Variants in XPNPEP2 observed in about 807,000 individuals in gnomAD.
XPNPEP2 encodes X-prolyl aminopeptidase 2.
XPNPEP2 carries 64 observed loss-of-function variants against 59.8 expected under a neutral mutation model. The ratio of observed to expected loss-of-function variants is 1.07; its 90% CI spans 0.87 to 1.32. The LOEUF is 1.32. Ranked by LOEUF, XPNPEP2 falls within the 40% of genes most tolerant of loss-of-function variation. The probability of loss-of-function intolerance (pLI) is 0.00; values close to 1 mark genes in which losing one functional copy is unlikely to be tolerated. For missense variants in XPNPEP2, 575 were observed against 546.8 expected (o/e 1.05, Z -0.51); for synonymous variants, 235 against 210.0 (o/e 1.12, Z -1.03).
intron 1 of XPNPEP2, among the ~76,000 whole-genome samples, chrX:129,739,569 C>T (rs1412912097): frequency 8.9e-6 from 1 of 112,300 alleles, no homozygotes; most frequent in Non-Finnish European, 1.9e-5. Context: ...ACTCTGATTA[C>T]AGAAAAGACT....
chrX:129,766,545 G>C (rs1381250965), intron 19 of XPNPEP2, among the ~76,000 whole-genome samples: 1 of 109,156 alleles, frequency 9.2e-6, no homozygotes, highest in East Asian at 2.9e-4. Flanking sequence ...GTCTCACTCT[G>C]TTGCTGAGGC....
Position 129,768,795 on chromosome X carries a change from T to G in XPNPEP2, c.*310T>G. On this transcript the variant is annotated 3_prime_UTR_variant, in exon 21 of 21. Transcript: ENST00000371106. ...CTGTGATCTCAGTAGGCCTAACCTA[T>G]AACCTAGCACAGACTGCTACAGCTG... 5.2e-6 allele frequency: 1 copy of G among 192,768 alleles called. No homozygotes were observed. The highest frequency in any genetic ancestry group is 9.5e-6 in the Non-Finnish European group (1 of 104,931). The allele number at this position is 192,768 out of a possible 1,213,427, so 15.9% of individuals were successfully genotyped here.
chrX:129,742,067 C>T (rs1443465511), intron 1 of XPNPEP2, 41 bp from the exon 2 acceptor site: 1 of 1,172,213 alleles, frequency 8.5e-7, no homozygotes, highest in Non-Finnish European at 1.2e-6. Context: ...TAGGAACTAG[C>T]TGGTCCCCAA....
Position 129,739,275 on chromosome X carries a change from T to C in XPNPEP2, c.49+13T>C. On this transcript the variant is annotated intron_variant, in intron 1 of 20. Transcript: ENST00000371106. ...GTCCTCCTCTGTGGTATGTGCATCCTAGCTTCCACTGGAAGGCAGCTCTGA... is the reference window on the plus strand; with the variant it reads ...GTCCTCCTCTGTGGTATGTGCATCCCAGCTTCCACTGGAAGGCAGCTCTGA... The C allele has an allele frequency of 8.3e-7, 1 of 1,207,109 alleles. No homozygotes were observed. Among genetic ancestry groups the C allele is most frequent in the Non-Finnish European group, 1.1e-6 (1 of 894,137 alleles).
intron 9 of XPNPEP2, 110 bp downstream of exon 9, chrX:129,751,936 C>T: frequency 2.3e-6 from 2 of 873,642 alleles, no homozygotes; most frequent in Non-Finnish European, 1.7e-6. Context: ...CCCATCAGCT[C>T]GGCGCCTGCT....
chrX:129,738,986 G>A lies in XPNPEP2; in HGVS notation c.-228G>A, dbSNP rs890102586. 24 of 419,805 alleles carry A rather than the reference G, an allele frequency of 5.7e-5. No homozygotes were observed. Among genetic ancestry groups the A allele is most frequent in the South Asian group, 4.4e-4 (12 of 27,109 alleles). 34.6% of individuals were successfully genotyped at this position (419,805 alleles called of 1,213,427 possible). On this transcript the variant is annotated 5_prime_UTR_variant, in exon 1 of 21. Coordinates refer to ENST00000371106, the MANE Select transcript of XPNPEP2 (RefSeq NM_003399.6). ...ACACGACTAGGAACTTGCACAGTCCGCCTCGGGCAGCCCAAAGCTCCTCTG... is the reference window on the plus strand; with the variant it reads ...ACACGACTAGGAACTTGCACAGTCCACCTCGGGCAGCCCAAAGCTCCTCTG...
At chrX:129,754,059 TA>T (rs1569476847) in intron 11 of XPNPEP2, among the ~76,000 whole-genome samples, 1 of 111,649 alleles carries the variant, frequency 9.0e-6, no homozygotes, top group Admixed American at 9.5e-5. Flanking sequence ...CCACCTCATT[TA>T]AAAAAAACTT....
At chrX:129,761,518 CAGAG>C (rs1173236786) in intron 17 of XPNPEP2, among the ~76,000 whole-genome samples, 2 of 111,898 alleles carry the variant, frequency 1.8e-5, no homozygotes, top group Admixed American at 1.9e-4. Flanking sequence ...ATATAGACCC[CAGAG>C]AAATAAAAGC....
At chrX:129,750,759 G>C (rs2040018290) in intron 8 of XPNPEP2, among the ~76,000 whole-genome samples, 190 bp downstream of exon 8, 1 of 112,397 alleles carries the variant, frequency 8.9e-6, no homozygotes, top group Admixed American at 9.4e-5. Flanking sequence ...TTCAGAAAAA[G>C]GACAAAAGGT....
At chrX:129,746,961 T>C (rs1926310224) in intron 6 of XPNPEP2, 1 of 353,904 alleles carries the variant, frequency 2.8e-6, no homozygotes, top group Non-Finnish European at 5.0e-6. Flanking sequence ...AGTGGATGAA[T>C]AGGCCAGGAT....
intron 6 of XPNPEP2, 150 bp downstream of exon 6, chrX:129,746,831 A>C: frequency 1.9e-6 from 1 of 513,974 alleles, no homozygotes; most frequent in Admixed American, 3.3e-5. Context: ...AATGTTTTGC[A>C]ATGAGGATGT....
At chrX:129,758,734 G>C (rs1926602312) in intron 14 of XPNPEP2, among the ~76,000 whole-genome samples, 1 of 112,087 alleles carries the variant, frequency 8.9e-6, no homozygotes, top group East Asian at 2.8e-4. Flanking sequence ...AGCAGCAAAA[G>C]TGTCCTATAA....
intron 16 of XPNPEP2, among the ~76,000 whole-genome samples, 169 bp from the exon 17 acceptor site, chrX:129,761,003 C>T (rs1053867987): frequency 8.9e-6 from 1 of 112,359 alleles, no homozygotes. Flanking sequence ...CTAACTCCAT[C>T]CATCAGCCCT....
chrX:129,768,114 G>A (rs1419459122), intron 20 of XPNPEP2, among the ~76,000 whole-genome samples, 177 bp from the exon 21 acceptor site: 1 of 111,035 alleles, frequency 9.0e-6, no homozygotes, highest in Non-Finnish European at 1.9e-5. Context: ...AGCCAGCCAG[G>A]GGAACTGCCT....
rs1422994643 is a variant in XPNPEP2, at chrX:129,768,434, G to A, written c.1974G>A (p.Trp658Ter). ...CCAGGGCCCCAGACACCGCCTCCTG[G>A]GCCTCTGTGTTAGTGGTCTCCACCC... ...LAARAPDTAS[W>*]ASVLVVSTLA... The change falls in exon 21 of 21, where the codon TGG becomes TGA. Residue 658 changes from tryptophan (W) to a stop codon, truncating the protein, a stop_gained. Coordinates refer to ENST00000371106, the MANE Select transcript of XPNPEP2 (RefSeq NM_003399.6). LOFTEE classifies it high-confidence loss of function. The A allele has an allele frequency of 8.3e-7, 1 of 1,202,054 alleles. No homozygotes were observed. The highest frequency in any genetic ancestry group is 3.0e-5 in the East Asian group (1 of 33,560).
intron 19 of XPNPEP2, among the ~76,000 whole-genome samples, chrX:129,765,102 ATGGAT>A: frequency 8.9e-6 from 1 of 112,408 alleles, no homozygotes; most frequent in South Asian, 3.7e-4. Flanking sequence ...TACAAACAAA[ATGGAT>A]TCTACTGTAC....
intron 15 of XPNPEP2, among the ~76,000 whole-genome samples, chrX:129,760,087 C>T (rs777275089): frequency 8.9e-6 from 1 of 112,518 alleles, no homozygotes; most frequent in South Asian, 3.6e-4. Context: ...AGTCTGCCTG[C>T]CTCTCCCAAC....
chrX:129,745,522 C>T (rs1926277216), intron 4 of XPNPEP2, among the ~76,000 whole-genome samples: 2 of 111,766 alleles, frequency 1.8e-5, no homozygotes, highest in African/African-American at 6.5e-5. Context: ...TCTGCTGCAA[C>T]CAGGCCCAGT....
At chrX:129,753,558 G>T (rs983789995) in intron 11 of XPNPEP2, among the ~76,000 whole-genome samples, 4 of 111,020 alleles carry the variant, frequency 3.6e-5, no homozygotes, top group African/African-American at 1.3e-4. Context: ...CACGAGAATC[G>T]CTTGAACCTG....
Sources: gnomAD v4.1 joint callset for allele counts (sites outside exome capture counted in the v4.1 genomes callset) on GRCh38, gnomAD v4.1.1 for gene constraint, MANE v1.5 for transcripts, NCBI Gene and HGNC (gene_info 2026-07-23, HGNC 2026-07-21) for gene names.